DNM1: variants seen among roughly 807,000 people sequenced by gnomAD.
DNM1 encodes dynamin-1.
Under a neutral mutation model 104.6 loss-of-function variants are expected in DNM1, and 29 were observed. That is an observed-to-expected ratio of 0.28 (90% CI 0.21 to 0.38). The LOEUF (loss-of-function observed/expected upper bound fraction) is 0.38, where lower values mean the gene tolerates loss of function less well. DNM1 is among the 10% of genes least tolerant of loss of function. The pLI, the probability that DNM1 is intolerant of heterozygous loss-of-function variation, is 1.00. For missense variants in DNM1, 640 were observed against 1,189.4 expected (o/e 0.54, Z 6.79); for synonymous variants, 445 against 475.8 (o/e 0.94, Z 0.84).
chr9:128,250,443 G>C, intron 20 of DNM1, 87 bp downstream of exon 20: 4 of 1,372,256 alleles, frequency 2.9e-6, no homozygotes, highest in Non-Finnish European at 3.9e-6. Flanking sequence ...GCGCGCCCGC[G>C]TCACCGGGGT....
chr9:128,239,862 GA>G, intron 13 of DNM1, 83 bp downstream of exon 13: 1 of 1,572,632 alleles, frequency 6.4e-7, no homozygotes, highest in East Asian at 2.2e-5. Flanking sequence ...CCCCTGAGGG[GA>G]AGGGTCCCAC....
rs1295310402 is a variant in DNM1 at position 128,250,707 on chromosome 9, G to A, written c.2319-18G>A. 2.1e-6 allele frequency: 3 copies of A among 1,458,196 alleles called. No individual in the cohort carries two copies. The highest frequency in any genetic ancestry group is 1.3e-5 in the South Asian group (1 of 75,632). The allele number at this position is 1,458,196 out of a possible 1,614,324, so 90.3% of individuals were successfully genotyped here. A position where few individuals can be genotyped will look rare whatever the true frequency, so the allele number is the denominator to read the frequency against. ...CTCATCTCGCCTCTCCTTGTTCCTCGCTCCCTGTCGCCCTCAGGTCGCCCA... is the reference window on the plus strand; with the variant it reads ...CTCATCTCGCCTCTCCTTGTTCCTCACTCCCTGTCGCCCTCAGGTCGCCCA... On this transcript the variant is annotated intron_variant, in intron 20 of 21. Coordinates refer to ENST00000372923, the MANE Select transcript of DNM1 (RefSeq NM_004408.4).
Position 128,220,742 on chromosome 9 carries a change from C to CGCGTGTGTGTGTGTGT in DNM1, c.849+402_849+403insCGTGTGTGTGTGTGTG, listed in dbSNP as rs61020870. 2.4e-3 allele frequency among the ~76,000 whole-genome samples: 324 copies of CGCGTGTGTGTGTGTGT among 136,308 alleles called. No individual in the cohort carries two copies. The highest frequency in any genetic ancestry group is 8.0e-3 in the African/African-American group (303 of 37,758). 89.4% of individuals were successfully genotyped at this position (136,308 alleles called of 152,430 possible). On this transcript the variant is annotated intron_variant, in intron 6 of 21. Transcript: ENST00000372923. This position sits in a 1 kb window ranked among gnomAD's most constrained non-coding sequence, Gnocchi z 5.2. ...CAGAACTGAAGTGCGCGCGCGCGCG[C>CGCGTGTGTGTGTGTGT]GTGTGTGTGTGTGTGTGTGTGTGTG... is the stretch of plus-strand genomic sequence containing the variant.
At chr9:128,215,382 T>C (rs1383613801) in intron 1 of DNM1, among the ~76,000 whole-genome samples, 2 of 152,342 alleles carry the variant, frequency 1.3e-5, no homozygotes, top group East Asian at 3.9e-4. Context: ...GGAGCATGCG[T>C]CTGGACAAAC....
chr9:128,224,193 C>T lies in DNM1; in HGVS notation c.1197-58C>T. The T allele has an allele frequency of 1.3e-6, 2 of 1,562,344 alleles. No individual in the cohort carries two copies. Among genetic ancestry groups the T allele is most frequent in the Non-Finnish European group, 1.7e-6 (2 of 1,151,060 alleles). On this transcript the variant is annotated intron_variant, in intron 9 of 21. Coordinates refer to ENST00000372923, the MANE Select transcript of DNM1 (RefSeq NM_004408.4). This position sits in a 1 kb window ranked among gnomAD's most constrained non-coding sequence, Gnocchi z 4.3. ...GGCTTGGGGAGGAGCCTCGGCCTGG[C>T]CCTCCTGGCCGGCACTGGCCTGTGA...
chr9:128,248,633 C>T lies in DNM1; in HGVS notation c.1956C>T (p.Asp652=), dbSNP rs1564353077. The T allele has an allele frequency of 4.3e-6, 7 of 1,613,924 alleles. No individual in the cohort carries two copies. Among genetic ancestry groups the T allele is most frequent in the Admixed American group, 1.7e-5 (1 of 60,010 alleles). The change falls in exon 19 of 22, where the codon GAC becomes GAT. Residue 652 remains aspartate, a synonymous_variant. Transcript: ENST00000372923. The surrounding 1 kb of genome is among the most constrained non-coding windows in gnomAD (Gnocchi z 5.6). ...NGSDSFMHSM[D]PQLERQVETI... is the part of the protein sequence containing the mutation. The stretch of plus-strand genomic sequence containing the variant: ...CCGACAGCTTCATGCATTCCATGGA[C>T]CCACAGCTGGAACGGCAAGTGGAGA...
rs1450898090 is a variant in DNM1, at chr9:128,253,950, A to G, written c.2535-704A>G. ...CTGCTGGCCCAGCTGAGCTCCGCCCAGTGAGCCCACCCCCCATTCTCCTGC... is the reference window on the plus strand; with the variant it reads ...CTGCTGGCCCAGCTGAGCTCCGCCCGGTGAGCCCACCCCCCATTCTCCTGC... On this transcript the variant is annotated intron_variant, in intron 21 of 21. Coordinates refer to ENST00000372923, the MANE Select transcript of DNM1 (RefSeq NM_004408.4). The surrounding 1 kb of genome is among the most constrained non-coding windows in gnomAD (Gnocchi z 5.9). The G allele has an allele frequency of 3.2e-6, 4 of 1,233,058 alleles. No homozygotes were observed. Among genetic ancestry groups the G allele is most frequent in the Non-Finnish European group, 4.0e-6 (4 of 988,872 alleles). The allele number at this position is 1,233,058 out of a possible 1,614,324, so 76.4% of individuals were successfully genotyped here. A position where few individuals can be genotyped will look rare whatever the true frequency, so the allele number is the denominator to read the frequency against.
intron 11 of DNM1, among the ~76,000 whole-genome samples, chr9:128,238,057 G>A (rs994514225): frequency 2.0e-5 from 3 of 152,170 alleles, no homozygotes; most frequent in African/African-American, 2.4e-5. Flanking sequence ...TTACAGGCAT[G>A]AGCCACCATT....
At chr9:128,205,693 GGGTGGAAAGGTGC>G (rs1833906838) in intron 1 of DNM1, among the ~76,000 whole-genome samples, 1 of 152,168 alleles carries the variant, frequency 6.6e-6, no homozygotes, top group Non-Finnish European at 1.5e-5. Flanking sequence ...CCGAGTTCAT[GGGTGGAAAGGTGC>G]TTTTGTAAAC....
Position 128,205,361 on chromosome 9 carries a change from T to C in DNM1, c.161+1730T>C, listed in dbSNP as rs544281601. Among the ~76,000 whole-genome samples, 3 of 152,228 alleles carry C rather than the reference T, an allele frequency of 2.0e-5. No individual in the cohort carries two copies. The South Asian group carries it at 6.2e-4, about 32-fold the overall frequency. On this transcript the variant is annotated intron_variant, in intron 1 of 21. Transcript: ENST00000372923. ...TTTCAGCCCGCATCTACTGAGCCCA[T>C]CCCATGCATCCCCCTATGCTGAGTC...
chr9:128,208,409 C>CT (rs1478797496), intron 1 of DNM1, among the ~76,000 whole-genome samples: 2 of 152,182 alleles, frequency 1.3e-5, no homozygotes, highest in Non-Finnish European at 2.9e-5. Flanking sequence ...TCTCTGGACT[C>CT]TGAGAGCCCT....
chr9:128,209,118 C>T lies in DNM1; in HGVS notation c.161+5487C>T, dbSNP rs556535660. ...GGAGAGCTGCCACACTCTGCTCCAG[C>T]CTCTGCATGCTCAGAGCACGCAGCT... is the stretch of plus-strand genomic sequence containing the variant. On this transcript the variant is annotated intron_variant, in intron 1 of 21. Coordinates refer to ENST00000372923, the MANE Select transcript of DNM1 (RefSeq NM_004408.4). Among the ~76,000 whole-genome samples the T allele has an allele frequency of 7.2e-5, 11 of 152,316 alleles. No homozygotes were observed. In the East Asian group the frequency reaches 1.7e-3, roughly 24 times the overall value.
rs139408895 is a variant in DNM1, at chr9:128,220,436, T to G, written c.849+95T>G. 1.4e-3 allele frequency: 2,066 copies of G among 1,477,162 alleles called. 7 individuals are homozygous for G. The highest frequency in any genetic ancestry group is 1.1e-3 in the Non-Finnish European group (1,188 of 1,088,942). 91.5% of individuals were successfully genotyped at this position (1,477,162 alleles called of 1,614,324 possible). A position where few individuals can be genotyped will look rare whatever the true frequency, so the allele number is the denominator to read the frequency against. On this transcript the variant is annotated intron_variant, in intron 6 of 21. Coordinates refer to ENST00000372923, the MANE Select transcript of DNM1 (RefSeq NM_004408.4). This position sits in a 1 kb window ranked among gnomAD's most constrained non-coding sequence, Gnocchi z 5.2. ...AGAGTGAACAGCAGAGGTTAGCCTC[T>G]CCGTAGTGCAGATAGACAAACTGAG...
chr9:128,248,975 G>A lies in DNM1; in HGVS notation c.2076+222G>A, dbSNP rs540185589. Among the ~76,000 whole-genome samples the A allele has an allele frequency of 2.7e-5, 4 of 146,370 alleles. No individual in the cohort carries two copies. In the East Asian group the frequency reaches 6.3e-4, roughly 23 times the overall value. The stretch of plus-strand genomic sequence containing the variant: ...TGGGAGGCCAAGGCAGGTGGATCAC[G>A]TGAGGTCAGGAGTTTAAGACCAGCC... On this transcript the variant is annotated intron_variant, in intron 19 of 21. Transcript: ENST00000372923. This position sits in a 1 kb window ranked among gnomAD's most constrained non-coding sequence, Gnocchi z 5.6.
chr9:128,250,595 C>T (rs976723279), intron 20 of DNM1, 130 bp from the exon 21 acceptor site: 2 of 1,008,908 alleles, frequency 2.0e-6, no homozygotes, highest in South Asian at 3.7e-5. Flanking sequence ...CTCCGGCGAC[C>T]GCCTTAGGGG....
chr9:128,250,830 C>A lies in DNM1; in HGVS notation c.2424C>A (p.Ala808=). 7.6e-7 allele frequency: 1 copy of A among 1,313,036 alleles called. No individual in the cohort carries two copies. Among genetic ancestry groups the A allele is most frequent in the South Asian group, 2.4e-5 (1 of 41,586 alleles). The allele number at this position is 1,313,036 out of a possible 1,614,324, so 81.3% of individuals were successfully genotyped here. ...CTGGGCCTCCGCCTGCTGGGTCCGC[C>A]CTGGGGGGGGCGCCCCCCGTGCCCT... ...PAPGPPPAGS[A]LGGAPPVPSR... Residue 808 remains alanine (A), a synonymous_variant, in exon 21 of 22, where the codon GCC becomes GCA. Coordinates refer to ENST00000372923, the MANE Select transcript of DNM1 (RefSeq NM_004408.4).
At chr9:128,226,261 G>A in intron 10 of DNM1, 1 of 1,559,806 alleles carries the variant, frequency 6.4e-7, no homozygotes, top group Non-Finnish European at 8.7e-7. Context: ...TGCTGAGCCG[G>A]CCTCACGGCT....
At chr9:128,208,634 T>G (rs1834110137) in intron 1 of DNM1, among the ~76,000 whole-genome samples, 1 of 152,202 alleles carries the variant, frequency 6.6e-6, no homozygotes, top group African/African-American at 2.4e-5. Context: ...TCCTTGGCAC[T>G]TGCTGTGTGC....
At chr9:128,242,405 C>T in intron 15 of DNM1, 60 bp downstream of exon 15, 1 of 964,336 alleles carries the variant, frequency 1.0e-6, no homozygotes, top group Non-Finnish European at 1.7e-6. Flanking sequence ...CAGGCTCAGA[C>T]CCTCCCATGG....
Sources: gnomAD v4.1 joint callset for allele counts (sites outside exome capture counted in the v4.1 genomes callset) on GRCh38, gnomAD v4.1.1 for gene constraint, Gnocchi (gnomAD v3.1) non-coding constraint, MANE v1.5 for transcripts, NCBI Gene and HGNC (gene_info 2026-07-23, HGNC 2026-07-21) for gene names.